The following PKNOX2 variants were observed in gnomAD, a reference collection of about 807,000 sequenced individuals.
PKNOX2 encodes the protein homeobox protein PKNOX2.
Under a neutral mutation model 53.1 loss-of-function variants are expected in PKNOX2, and 14 were observed. The observed-to-expected ratio is 0.26, with a 90% confidence interval of 0.17 to 0.41. The LOEUF (loss-of-function observed/expected upper bound fraction) is 0.41, where lower values mean the gene tolerates loss of function less well. Among genes scored for constraint, PKNOX2 ranks in the 10% least tolerant of loss-of-function variants. The pLI is 1.00. For synonymous variants in PKNOX2, 257 were observed against 242.8 expected (o/e 1.06, Z -0.54); for missense variants, 496 against 602.8 (o/e 0.82, Z 1.85).
At chr11:125,348,953 A>G (rs1951141517) in intron 3 of PKNOX2, among the ~76,000 whole-genome samples, 1 of 151,972 alleles carries the variant, frequency 6.6e-6, no homozygotes, top group Admixed American at 6.6e-5. Flanking sequence ...TGGAGGCTGC[A>G]GGCACTACAG....
chr11:125,243,767 T>C (rs1943349137), intron 2 of PKNOX2, among the ~76,000 whole-genome samples: 1 of 151,984 alleles, frequency 6.6e-6, no homozygotes, highest in Non-Finnish European at 1.5e-5. Flanking sequence ...GGACTACAGG[T>C]GCCCGCCACC....
At chr11:125,307,154 C>A (rs978139313) in intron 2 of PKNOX2, among the ~76,000 whole-genome samples, 3 of 152,180 alleles carry the variant, frequency 2.0e-5, no homozygotes, top group Non-Finnish European at 4.4e-5. Context: ...TAGCACAAAG[C>A]AGATACTCAT....
rs913877241 is a variant in PKNOX2 at position 125,432,798 on chromosome 11, G to C, written c.*1406G>C. ...TTCCATTGGGTTTAATTTAATGGAC[G>C]TGCAGTTTCATTTGTAAATTGTGCA... On this transcript the variant is annotated 3_prime_UTR_variant, in exon 13 of 13. Coordinates refer to ENST00000298282, the MANE Select transcript of PKNOX2 (RefSeq NM_001382323.2). 6.6e-6 allele frequency: 1 copy of C among 152,634 alleles called. No individual in the cohort carries two copies. The highest frequency in any genetic ancestry group is 1.5e-5 in the Non-Finnish European group (1 of 68,050). 9.5% of individuals were successfully genotyped at this position (152,634 alleles called of 1,614,324 possible). A position where few individuals can be genotyped will look rare whatever the true frequency, so the allele number is the denominator to read the frequency against.
chr11:125,206,588 C>G (rs548990024), intron 1 of PKNOX2, among the ~76,000 whole-genome samples: 2 of 152,178 alleles, frequency 1.3e-5, no homozygotes, highest in South Asian at 4.2e-4. Flanking sequence ...GGCTGAGAAG[C>G]AGCCAGGTGC....
rs528593257 is a variant in PKNOX2, at chr11:125,341,236, G to A, written c.-23+9311G>A. 2.5e-4 allele frequency among the ~76,000 whole-genome samples: 38 copies of A among 151,186 alleles called. No homozygotes were observed. In the South Asian group the frequency reaches 7.8e-3, roughly 31 times the overall value. On this transcript the variant is annotated intron_variant, in intron 3 of 12. Transcript: ENST00000298282. ...CTGGGTGTGGTGGTGCACGCCTGTA[G>A]TCCCAGCTACTCGGGAGGCTGGGGC... is the stretch of plus-strand genomic sequence containing the variant.
At chr11:125,351,532 G>T (rs1314283328) in intron 4 of PKNOX2, 140 bp downstream of exon 4, 8 of 628,636 alleles carry the variant, frequency 1.3e-5, no homozygotes, top group Admixed American at 2.7e-5. Context: ...GGCACTCCGG[G>T]CTCTTTCCCG....
At chr11:125,373,296 G>T (rs1206767010) in intron 5 of PKNOX2, among the ~76,000 whole-genome samples, 1 of 152,186 alleles carries the variant, frequency 6.6e-6, no homozygotes. Context: ...GTAGACTGGG[G>T]TATTTTAAAC....
intron 2 of PKNOX2, among the ~76,000 whole-genome samples, chr11:125,312,687 G>A (rs999473913): frequency 4.6e-5 from 7 of 152,172 alleles, no homozygotes; most frequent in South Asian, 2.1e-4. Context: ...CACCCACCTC[G>A]AGGAGCTCCA....
intron 2 of PKNOX2, among the ~76,000 whole-genome samples, chr11:125,272,485 G>A (rs1411356373): frequency 1.3e-5 from 2 of 152,186 alleles, no homozygotes; most frequent in Non-Finnish European, 2.9e-5. Context: ...ATTAATATGG[G>A]ACAACTGGGG....
intron 2 of PKNOX2, among the ~76,000 whole-genome samples, chr11:125,265,338 G>A (rs1025966276): frequency 6.6e-6 from 1 of 151,876 alleles, no homozygotes; most frequent in Non-Finnish European, 1.5e-5. Context: ...CTTTAACTTA[G>A]GGCTTCCTAA....
intron 3 of PKNOX2, among the ~76,000 whole-genome samples, chr11:125,334,943 G>C (rs1198296652): frequency 2.0e-5 from 3 of 152,100 alleles, no homozygotes; most frequent in Non-Finnish European, 4.4e-5. Flanking sequence ...CTGTAATTGT[G>C]GTAATCATAT....
At chr11:125,207,085 C>T (rs117145977) in intron 1 of PKNOX2, among the ~76,000 whole-genome samples, 5,004 of 151,540 alleles carry the variant, frequency 0.033, 175 homozygotes, top group Non-Finnish European at 0.049. Flanking sequence ...AGGAGGGACT[C>T]CAGGGAGACT....
intron 1 of PKNOX2, among the ~76,000 whole-genome samples, chr11:125,179,583 C>G (rs926354842): frequency 6.6e-6 from 1 of 151,968 alleles, no homozygotes; most frequent in Non-Finnish European, 1.5e-5. Context: ...GGCAGAGTGG[C>G]GGGTCAGGCG....
At chr11:125,362,658 A>C (rs777443217) in intron 4 of PKNOX2, among the ~76,000 whole-genome samples, 2 of 152,234 alleles carry the variant, frequency 1.3e-5, no homozygotes, top group Non-Finnish European at 2.9e-5. Flanking sequence ...GGCATGAGCC[A>C]CTGCACCCAG....
At chr11:125,334,237 G>C (rs1380643910) in intron 3 of PKNOX2, among the ~76,000 whole-genome samples, 1 of 152,178 alleles carries the variant, frequency 6.6e-6, no homozygotes, top group Non-Finnish European at 1.5e-5. Flanking sequence ...AACTCTGCTA[G>C]GGAGAAAGGG....
At chr11:125,232,040 C>G (rs981658670) in intron 1 of PKNOX2, among the ~76,000 whole-genome samples, 6 of 152,220 alleles carry the variant, frequency 3.9e-5, no homozygotes, top group Non-Finnish European at 8.8e-5. Context: ...TCGCTCATTT[C>G]TGGATGGTTC....
At chr11:125,236,693 A>G (rs1354764235) in intron 2 of PKNOX2, among the ~76,000 whole-genome samples, 3 of 152,148 alleles carry the variant, frequency 2.0e-5, no homozygotes, top group Non-Finnish European at 4.4e-5. Context: ...CTGAAATGGA[A>G]AGATTCAAAT....
intron 2 of PKNOX2, among the ~76,000 whole-genome samples, chr11:125,317,593 T>C (rs931566522): frequency 6.6e-6 from 1 of 152,206 alleles, no homozygotes; most frequent in Non-Finnish European, 1.5e-5. Context: ...ACTGGTAACA[T>C]TTTGAAAGGA....
intron 1 of PKNOX2, among the ~76,000 whole-genome samples, chr11:125,208,063 T>C (rs1182309403): frequency 2.6e-5 from 4 of 152,110 alleles, no homozygotes; most frequent in Non-Finnish European, 5.9e-5. Flanking sequence ...TTAGGCAACA[T>C]GCTATGAGTT....
Sources: allele counts gnomAD v4.1 joint callset (sites outside exome capture counted in the v4.1 genomes callset), GRCh38; gene constraint gnomAD v4.1.1; transcripts MANE v1.5; gene names NCBI Gene and HGNC (gene_info 2026-07-23, HGNC 2026-07-21).